KCNIP1: variants seen among roughly 807,000 people sequenced by gnomAD.
The protein encoded by KCNIP1 is potassium voltage-gated channel interacting protein 1.
In KCNIP1, 18 loss-of-function variants were observed where a neutral mutation model predicts 33.0. The ratio of observed to expected loss-of-function variants is 0.55; its 90% confidence interval spans 0.38 to 0.81. The LOEUF is 0.81. Among genes scored for constraint, KCNIP1 ranks in the 30% least tolerant of loss-of-function variants. KCNIP1 has a pLI of 0.00. For missense variants in KCNIP1, 238 were observed against 271.6 expected (o/e 0.88, Z 0.87); for synonymous variants, 93 against 98.3 (o/e 0.95, Z 0.32).
At chr5:170,716,134 A>G (rs1342755884) in intron 1 of KCNIP1, among the ~76,000 whole-genome samples, 1 of 152,148 alleles carries the variant, frequency 6.6e-6, no homozygotes, top group African/African-American at 2.4e-5. Flanking sequence ...CAGCGTGGGC[A>G]CTCCTGTGAG....
At chr5:170,532,977 C>T (rs775185513) in intron 1 of KCNIP1, among the ~76,000 whole-genome samples, 15 of 152,206 alleles carry the variant, frequency 9.9e-5, no homozygotes, top group Non-Finnish European at 1.9e-4. Context: ...GTTGTGCTTT[C>T]CAGGAGTCCT....
chr5:170,612,478 T>C (rs1399621637), intron 1 of KCNIP1, among the ~76,000 whole-genome samples: 1 of 152,214 alleles, frequency 6.6e-6, no homozygotes, highest in South Asian at 2.1e-4. Context: ...CCAGAGCCTA[T>C]GGCTGAAACC....
chr5:170,505,076 T>A (rs1754661624), intron 1 of KCNIP1, among the ~76,000 whole-genome samples: 1 of 152,158 alleles, frequency 6.6e-6, no homozygotes, highest in Admixed American at 6.5e-5. Flanking sequence ...AGTCCCTTCA[T>A]CAGGAAGAGT....
intron 1 of KCNIP1, among the ~76,000 whole-genome samples, chr5:170,611,810 TG>T (rs1759165665): frequency 1.3e-5 from 2 of 152,188 alleles, no homozygotes; most frequent in South Asian, 4.1e-4. Flanking sequence ...GCAGTGGGGC[TG>T]GGAAGGACAG....
chr5:170,528,001 T>C (rs1185990575), intron 1 of KCNIP1, among the ~76,000 whole-genome samples: 3 of 152,076 alleles, frequency 2.0e-5, no homozygotes. Flanking sequence ...CTGCATTTTA[T>C]GTGGGACATG....
rs558865288 is a variant in KCNIP1, at chr5:170,494,187, A to G, written c.88+140223A>G. Among the ~76,000 whole-genome samples the G allele has an allele frequency of 6.6e-5, 10 of 152,328 alleles. No individual in the cohort carries two copies. In the South Asian group the frequency reaches 2.1e-3, roughly 32 times the overall value. On this transcript the variant is annotated intron_variant, in intron 1 of 7. Transcript: ENST00000377360. ...CACACCCTGCTCAATGCTCATCTGC[A>G]TAGTGTCCTCCATCCAGAGCAGCCC...
At chr5:170,424,421 T>C (rs1169559155) in intron 1 of KCNIP1, among the ~76,000 whole-genome samples, 2 of 152,144 alleles carry the variant, frequency 1.3e-5, no homozygotes, top group African/African-American at 4.8e-5. Context: ...CTCAGGTGTG[T>C]CTGAGCCTTG....
At chr5:170,673,205 G>A (rs1185814535) in intron 1 of KCNIP1, among the ~76,000 whole-genome samples, 1 of 152,324 alleles carries the variant, frequency 6.6e-6, no homozygotes, top group East Asian at 1.9e-4. Flanking sequence ...GTGAGATGGG[G>A]CTAGGAGTCC....
chr5:170,383,778 C>A (rs760585437), intron 1 of KCNIP1: 3 of 1,614,110 alleles, frequency 1.9e-6, no homozygotes, highest in Middle Eastern at 3.3e-4. Flanking sequence ...GGGGCACCTT[C>A]TTGCCCTTCA....
intron 1 of KCNIP1, among the ~76,000 whole-genome samples, chr5:170,546,313 G>A (rs1180369104): frequency 1.3e-5 from 2 of 152,174 alleles, no homozygotes; most frequent in Non-Finnish European, 2.9e-5. Flanking sequence ...CCTAAGTCCC[G>A]TGAGTTTAGC....
intron 1 of KCNIP1, among the ~76,000 whole-genome samples, chr5:170,580,867 A>C (rs1757766455): frequency 6.6e-6 from 1 of 152,182 alleles, no homozygotes; most frequent in African/African-American, 2.4e-5. Context: ...AATACTCAGA[A>C]GTGTCCAAAA....
At chr5:170,613,814 G>A (rs1436444355) in intron 1 of KCNIP1, among the ~76,000 whole-genome samples, 1 of 152,142 alleles carries the variant, frequency 6.6e-6, no homozygotes, top group African/African-American at 2.4e-5. Flanking sequence ...CTTAAAAAGG[G>A]AACTCAAGGC....
At chr5:170,385,567 T>G (rs1764435727) in intron 1 of KCNIP1, 4 of 1,102,456 alleles carry the variant, frequency 3.6e-6, no homozygotes, top group Non-Finnish European at 5.3e-6. Flanking sequence ...ACTCAACTAT[T>G]AATATCACTC....
At chr5:170,720,747 C>T (rs1200744811) in intron 3 of KCNIP1, among the ~76,000 whole-genome samples, 2 of 152,232 alleles carry the variant, frequency 1.3e-5, no homozygotes, top group Non-Finnish European at 2.9e-5. Context: ...GATTAGATTC[C>T]ATAAGGGTCT....
At chr5:170,705,880 C>T (rs879514581) in intron 1 of KCNIP1, among the ~76,000 whole-genome samples, 13 of 152,124 alleles carry the variant, frequency 8.5e-5, no homozygotes, top group East Asian at 1.9e-4. Context: ...TCAAAATATA[C>T]GACAAGATGG....
Position 170,390,517 on chromosome 5 carries a change from A to AAAAATATAT in KCNIP1, c.88+36554_88+36555insAAATATATA. Among the ~76,000 whole-genome samples, 6 of 74,538 alleles carry AAAAATATAT rather than the reference A, an allele frequency of 8.0e-5. 1 individual carries two copies. The highest frequency in any genetic ancestry group is 2.6e-4 in the African/African-American group (4 of 15,618). The allele number at this position is 74,538 out of a possible 152,430, so 48.9% of individuals were successfully genotyped here. ...GACCCCGTCTCAAAAAAAAAAAACA[A>AAAAATATAT]ATATATATATATATATATATATTTT... is the stretch of plus-strand genomic sequence containing the variant. On this transcript the variant is annotated intron_variant, in intron 1 of 7. Coordinates refer to the KCNIP1 transcript ENST00000377360.
chr5:170,372,672 T>C (rs568160558), intron 1 of KCNIP1, among the ~76,000 whole-genome samples: 1 of 152,098 alleles, frequency 6.6e-6, no homozygotes, highest in East Asian at 1.9e-4. Flanking sequence ...GCACCAAATA[T>C]AAAGTGGAGA....
intron 1 of KCNIP1, among the ~76,000 whole-genome samples, chr5:170,573,078 C>T (rs1238330974): frequency 3.9e-5 from 6 of 152,242 alleles, no homozygotes; most frequent in Non-Finnish European, 7.3e-5. Context: ...AGAGCTCCCA[C>T]CTCGGCTCTG....
rs80213389 is a variant in KCNIP1, at chr5:170,402,798, G to T, written c.88+48834G>T. Among the ~76,000 whole-genome samples, 1,186 of 152,208 alleles carry T rather than the reference G, an allele frequency of 7.8e-3. 15 individuals are homozygous for T. Among genetic ancestry groups the T allele is most frequent in the African/African-American group, 0.027 (1,116 of 41,540 alleles). On this transcript the variant is annotated intron_variant, in intron 1 of 7. Coordinates refer to the KCNIP1 transcript ENST00000377360. The stretch of plus-strand genomic sequence containing the variant: ...CAGGGGGAAAGCACCACACCTTGTT[G>T]GTCAGCTGGCCACGGCTGCCACAGT...
Sources: allele counts gnomAD v4.1 joint callset (sites outside exome capture counted in the v4.1 genomes callset), GRCh38; gene constraint gnomAD v4.1.1; transcripts MANE v1.5; gene names NCBI Gene and HGNC (gene_info 2026-07-23, HGNC 2026-07-21).